The following ANO10 variants were observed in gnomAD, a reference collection of about 807,000 sequenced individuals.
ANO10 encodes anoctamin-10.
In ANO10, 77 loss-of-function variants were observed where a neutral mutation model predicts 74.7. The ratio of observed to expected loss-of-function variants is 1.03; its 90% CI spans 0.86 to 1.25. The LOEUF is 1.25. Among genes scored for constraint, ANO10 ranks in the 50% most tolerant of loss-of-function variants. The pLI, the probability that ANO10 is intolerant of heterozygous loss-of-function variation, is 0.00. For synonymous variants in ANO10, 279 were observed against 284.9 expected, an observed-to-expected ratio of 0.98 and a Z score of 0.21; for missense variants, 721 against 778.1, an observed-to-expected ratio of 0.93 and a Z score of 0.87.
intron 12 of ANO10, among the ~76,000 whole-genome samples, chr3:43,394,227 C>T (rs1331159387): frequency 2.0e-5 from 3 of 152,102 alleles, no homozygotes; most frequent in African/African-American, 7.2e-5. Context: ...TCCCTACCCC[C>T]AGGCATCACC....
At chr3:43,566,247 C>G (rs1478063528) in intron 7 of ANO10, among the ~76,000 whole-genome samples, 1 of 152,136 alleles carries the variant, frequency 6.6e-6, no homozygotes, top group Non-Finnish European at 1.5e-5. Flanking sequence ...AAGGCGGCAG[C>G]GAGGCTGGGG....
intron 12 of ANO10, among the ~76,000 whole-genome samples, chr3:43,369,331 C>T (rs532818719): frequency 2.5e-4 from 38 of 152,376 alleles, no homozygotes; most frequent in Admixed American, 6.5e-4. Flanking sequence ...AGGATGTCCA[C>T]GAGGTCACAA....
At chr3:43,418,903 GCTCT>G (rs1362798130) in intron 12 of ANO10, among the ~76,000 whole-genome samples, 1 of 152,246 alleles carries the variant, frequency 6.6e-6, no homozygotes, top group Non-Finnish European at 1.5e-5. Context: ...ACATAGCCAC[GCTCT>G]TTCATTTACG....
intron 12 of ANO10, chr3:43,372,625 T>A: frequency 2.0e-6 from 1 of 500,612 alleles, no homozygotes; most frequent in Non-Finnish European, 3.6e-6. Context: ...TCCTCCCCCG[T>A]CACCATCCCA....
intron 10 of ANO10, among the ~76,000 whole-genome samples, chr3:43,551,164 T>C (rs186331045): frequency 1.1e-4 from 16 of 152,334 alleles, no homozygotes; most frequent in Middle Eastern, 3.4e-3. Flanking sequence ...CTACAATTGG[T>C]GATCTTATAA....
chr3:43,668,286 T>C (rs557048249), intron 1 of ANO10, among the ~76,000 whole-genome samples: 3 of 152,264 alleles, frequency 2.0e-5, no homozygotes, highest in African/African-American at 7.2e-5. Context: ...GGATTGTTTT[T>C]TTTTTCTTGC....
chr3:43,672,190 T>C (rs1380832407), intron 1 of ANO10, among the ~76,000 whole-genome samples: 1 of 152,180 alleles, frequency 6.6e-6, no homozygotes, highest in African/African-American at 2.4e-5. Context: ...TTCATTATGA[T>C]TTGTGACAAT....
chr3:43,382,460 A>T (rs1354910034), intron 12 of ANO10, among the ~76,000 whole-genome samples: 1 of 151,118 alleles, frequency 6.6e-6, no homozygotes, highest in African/African-American at 2.4e-5. Context: ...CGGAGCTTGC[A>T]GTGAGCCGAG....
intron 1 of ANO10, among the ~76,000 whole-genome samples, chr3:43,637,275 C>T (rs962245545): frequency 3.9e-5 from 6 of 152,142 alleles, no homozygotes; most frequent in African/African-American, 1.4e-4. Context: ...CAAGACCAGC[C>T]TGGCCAACAT....
chr3:43,417,760 G>A (rs2092763496), intron 12 of ANO10, among the ~76,000 whole-genome samples: 1 of 152,076 alleles, frequency 6.6e-6, no homozygotes, highest in Non-Finnish European at 1.5e-5. Flanking sequence ...AAAGATAGTG[G>A]ACTGCTAGTG....
chr3:43,646,311 C>T (rs2083725596), intron 1 of ANO10, among the ~76,000 whole-genome samples: 1 of 152,180 alleles, frequency 6.6e-6, no homozygotes, highest in Non-Finnish European at 1.5e-5. Context: ...TTCCACTTCC[C>T]TATTTTGAGC....
chr3:43,397,593 C>T (rs2092406192), intron 12 of ANO10, among the ~76,000 whole-genome samples: 1 of 152,178 alleles, frequency 6.6e-6, no homozygotes, highest in African/African-American at 2.4e-5. Flanking sequence ...CTCAACACCT[C>T]GTGTATTCCG....
rs555087922 is a variant in ANO10, at chr3:43,423,636, G to T, written c.1914+8975C>A. Among the ~76,000 whole-genome samples, 7 of 152,310 alleles carry T rather than the reference G, an allele frequency of 4.6e-5. No individual in the cohort carries two copies. In the South Asian group the frequency reaches 1.5e-3, roughly 32 times the overall value. ...TCAGAGTTACAAAGTAGGAGTGCTT[G>T]GGAATCTTGCTAGACCCAAAAGGTG... is the stretch of plus-strand genomic sequence containing the variant. On this transcript the variant is annotated intron_variant, in intron 12 of 12. Coordinates refer to ENST00000292246, the MANE Select transcript of ANO10 (RefSeq NM_018075.5).
chr3:43,561,205 A>G lies in ANO10; in HGVS notation c.1476+15T>C. The G allele has an allele frequency of 6.2e-7, 1 of 1,613,656 alleles. No homozygotes were observed. The highest frequency in any genetic ancestry group is 8.5e-7 in the Non-Finnish European group (1 of 1,179,578). ...ACTCTCAGTAAATGTTTAATTCAGC[A>G]ATATTCCAACTTACCAAATAAGTTC... On this transcript the variant is annotated intron_variant, in intron 9 of 12. Transcript: ENST00000292246.
Position 43,608,224 on chromosome 3 carries a change from G to T in ANO10, c.-11-2361C>A, listed in dbSNP as rs142755773. Among the ~76,000 whole-genome samples the T allele has an allele frequency of 5.6e-3, 860 of 152,266 alleles. 9 individuals are homozygous for T. Among genetic ancestry groups the T allele is most frequent in the African/African-American group, 0.019 (810 of 41,550 alleles). The stretch of plus-strand genomic sequence containing the variant: ...AAAAATAAAGACAAAGTACCTTGAA[G>T]GGCAATAATTAGACTGAAAGAGTAT... On this transcript the variant is annotated intron_variant, in intron 1 of 12. Coordinates refer to ENST00000292246, the MANE Select transcript of ANO10 (RefSeq NM_018075.5).
intron 12 of ANO10, among the ~76,000 whole-genome samples, chr3:43,416,253 G>C (rs900228581): frequency 1.1e-4 from 16 of 152,258 alleles, no homozygotes; most frequent in Non-Finnish European, 2.2e-4. Context: ...AGAGCAACTT[G>C]GATGAAGACC....
At chr3:43,567,961 C>A (rs4256099) in intron 7 of ANO10, among the ~76,000 whole-genome samples, 1 of 151,792 alleles carries the variant, frequency 6.6e-6, no homozygotes, top group Non-Finnish European at 1.5e-5. Flanking sequence ...GAGACACCCA[C>A]AGGCTCAAAA....
chr3:43,550,749 TTTA>T (rs1194434148), intron 10 of ANO10, among the ~76,000 whole-genome samples: 7 of 147,054 alleles, frequency 4.8e-5, no homozygotes, highest in Admixed American at 3.3e-4. Context: ...AAAATTTCTA[TTTA>T]TTTACTTTTG....
chr3:43,558,038 G>A (rs1318366815), intron 9 of ANO10, among the ~76,000 whole-genome samples: 5 of 150,038 alleles, frequency 3.3e-5, no homozygotes, highest in Non-Finnish European at 7.4e-5. Flanking sequence ...CTGGGAGGTT[G>A]AGGTTGCAGT....
Sources: gnomAD v4.1 joint callset for allele counts (sites outside exome capture counted in the v4.1 genomes callset) on GRCh38, gnomAD v4.1.1 for gene constraint, MANE v1.5 for transcripts, NCBI Gene and HGNC (gene_info 2026-07-23, HGNC 2026-07-21) for gene names.